Variants in NF1 observed in about 807,000 individuals in gnomAD.
The protein encoded by NF1 is neurofibromin 1, also known as neurofibromin.
Under a neutral mutation model 325.7 loss-of-function variants are expected in NF1, and 122 were observed. The ratio of observed to expected loss-of-function variants is 0.37; its 90% confidence interval spans 0.32 to 0.44. The LOEUF (loss-of-function observed/expected upper bound fraction) is 0.44. Ranked by LOEUF, NF1 falls within the 20% of genes least tolerant of loss-of-function variation. NF1 has a pLI of 1.00. For missense variants in NF1, 2,140 were observed against 3,415.4 expected (o/e 0.63, Z 9.31); for synonymous variants, 1,091 against 1,186.0 (o/e 0.92, Z 1.65).
intron 1 of NF1, among the ~76,000 whole-genome samples, chr17:31,128,850 C>T (rs983329336): frequency 3.3e-5 from 5 of 151,458 alleles, no homozygotes; most frequent in Admixed American, 6.6e-5. Flanking sequence ...TAAGTAAACC[C>T]GGGAGGCGGA....
intron 36 of NF1, among the ~76,000 whole-genome samples, chr17:31,270,117 G>T (rs904067911): frequency 6.6e-6 from 1 of 152,196 alleles, no homozygotes; most frequent in South Asian, 2.1e-4. Flanking sequence ...GTACACGACA[G>T]TGTGTGTGTG....
intron 5 of NF1, among the ~76,000 whole-genome samples, chr17:31,170,259 G>A (rs2065908786): frequency 6.6e-6 from 1 of 152,218 alleles, no homozygotes; most frequent in South Asian, 2.1e-4. Context: ...TACAGAGAAT[G>A]CAAGGGTGCT....
chr17:31,106,195 G>A (rs1452270876), intron 1 of NF1, among the ~76,000 whole-genome samples: 1 of 152,180 alleles, frequency 6.6e-6, no homozygotes, highest in Non-Finnish European at 1.5e-5. Flanking sequence ...TCTTGGGGAA[G>A]TCTCTTAACC....
chr17:31,285,976 T>A (rs1300641282), intron 36 of NF1, among the ~76,000 whole-genome samples: 1 of 152,224 alleles, frequency 6.6e-6, no homozygotes, highest in Non-Finnish European at 1.5e-5. Flanking sequence ...AGGTGTATCA[T>A]GTGTGACATT....
chr17:31,319,349 C>CT (rs1436933346), intron 36 of NF1, among the ~76,000 whole-genome samples: 1 of 151,032 alleles, frequency 6.6e-6, no homozygotes, highest in East Asian at 1.9e-4. Context: ...GTTAGTTCTG[C>CT]TTTTACTTTT....
chr17:31,363,217 C>G (rs1203053733), intron 57 of NF1, among the ~76,000 whole-genome samples: 1 of 152,092 alleles, frequency 6.6e-6, no homozygotes, highest in African/African-American at 2.4e-5. Flanking sequence ...AAGGGTTTAT[C>G]TTTTCAAAAG....
intron 36 of NF1, chr17:31,296,528 T>C (rs1460522431): frequency 3.2e-6 from 2 of 616,434 alleles, no homozygotes; most frequent in Non-Finnish European, 5.9e-6. Flanking sequence ...TCAATTGGGC[T>C]ATGTGGTAGA....
intron 36 of NF1, among the ~76,000 whole-genome samples, chr17:31,315,078 T>C (rs2068986784): frequency 6.6e-6 from 1 of 152,206 alleles, no homozygotes; most frequent in African/African-American, 2.4e-5. Flanking sequence ...TTCGTATGCC[T>C]GTTTGCCATT....
chr17:31,363,785 G>A (rs1305990355), intron 57 of NF1, among the ~76,000 whole-genome samples: 1 of 144,368 alleles, frequency 6.9e-6, no homozygotes, highest in Non-Finnish European at 1.5e-5. Context: ...CAGTAGCCCA[G>A]GCTGGAGTGC....
rs149003051 is a variant in NF1, at chr17:31,163,271, G to A, written c.374G>A (p.Arg125His). 3 of 1,614,012 alleles carry A rather than the reference G, an allele frequency of 1.9e-6. No individual in the cohort carries two copies. Among genetic ancestry groups the A allele is most frequent in the Non-Finnish European group, 2.5e-6 (3 of 1,180,024 alleles). Residue 125 changes from arginine (R) to histidine (H), a missense_variant, in exon 4 of 58, where the codon CGT (arginine) becomes CAT (histidine). Arg to His is a conservative substitution (Grantham distance 29). Around this residue, in one of 10 missense-constraint regions of NF1, gnomAD observed 246 missense variants for 347.8 expected, o/e 0.71. Coordinates refer to ENST00000358273, the MANE Select transcript of NF1 (RefSeq NM_001042492.3). The stretch of plus-strand genomic sequence containing the variant: ...ATCTGCCATTTTCTTCACACCTGTC[G>A]TGAAGGAAACCAGCATGCAGCTGAA... ...PEICHFLHTC[R>H]EGNQHAAELR...
intron 36 of NF1, among the ~76,000 whole-genome samples, chr17:31,270,066 A>T (rs1460892493): frequency 6.6e-6 from 1 of 152,218 alleles, no homozygotes; most frequent in Non-Finnish European, 1.5e-5. Context: ...ATCCAGCTTT[A>T]AAAAGGCCCA....
chr17:31,294,488 C>T (rs1202129969), intron 36 of NF1: 1 of 166,756 alleles, frequency 6.0e-6, no homozygotes, highest in Non-Finnish European at 1.3e-5. Flanking sequence ...CATAACCATT[C>T]ATGGGATGGC....
At chr17:31,332,971 A>G (rs1266533368) in intron 39 of NF1, among the ~76,000 whole-genome samples, 1 of 152,134 alleles carries the variant, frequency 6.6e-6, no homozygotes, top group Non-Finnish European at 1.5e-5. Context: ...GCCAGGCACC[A>G]TGGCACATGC....
rs568677792 is a variant in NF1, at chr17:31,117,654, C to G, written c.60+22285C>G. ...CGCCTCTGCACTCCAGCCTGGGTGA[C>G]AGAGCAAAACTCCATCTCAAAAAAA... is the stretch of plus-strand genomic sequence containing the variant. On this transcript the variant is annotated intron_variant, in intron 1 of 57. Coordinates refer to ENST00000358273, the MANE Select transcript of NF1 (RefSeq NM_001042492.3). 2.3e-4 allele frequency among the ~76,000 whole-genome samples: 13 copies of G among 57,630 alleles called. No individual in the cohort carries two copies. The South Asian group carries it at 8.4e-3, about 37-fold the overall frequency. The allele number at this position is 57,630 out of a possible 152,430, so 37.8% of individuals were successfully genotyped here. A position where few individuals can be genotyped will look rare whatever the true frequency, so the allele number is the denominator to read the frequency against.
chr17:31,357,443 C>A, intron 54 of NF1, 74 bp downstream of exon 54: 1 of 1,212,092 alleles, frequency 8.3e-7, no homozygotes, highest in Non-Finnish European at 1.2e-6. Flanking sequence ...GTAATGTGCA[C>A]TGGTTGCAAA....
At chr17:31,309,692 G>A (rs945215294) in intron 36 of NF1, among the ~76,000 whole-genome samples, 2 of 152,138 alleles carry the variant, frequency 1.3e-5, no homozygotes, top group African/African-American at 4.8e-5. Context: ...TCAGTTAGCT[G>A]AAAAAGGCAT....
chr17:31,340,320 A>T, intron 46 of NF1, 185 bp from the exon 47 acceptor site: 1 of 676,136 alleles, frequency 1.5e-6, no homozygotes. Flanking sequence ...TTCTCAGTCC[A>T]GCTAACAGTG....
chr17:31,361,579 G>GT (rs1406309002), intron 57 of NF1: 1 of 152,162 alleles, frequency 6.6e-6, no homozygotes, highest in Non-Finnish European at 1.5e-5. Context: ...AACTTTAGTT[G>GT]TTTAACGTTC....
chr17:31,219,274 G>A (rs1161474971), intron 14 of NF1, 156 bp downstream of exon 14: 3 of 689,566 alleles, frequency 4.4e-6, no homozygotes, highest in East Asian at 2.8e-5. Context: ...AAACTCCATG[G>A]AGAAAGAAGG....
Sources: gnomAD v4.1 joint callset for allele counts (sites outside exome capture counted in the v4.1 genomes callset) on GRCh38, gnomAD v4.1.1 for gene constraint, gnomAD v4.1.1 regional missense constraint, MANE v1.5 for transcripts, NCBI Gene and HGNC (gene_info 2026-07-23, HGNC 2026-07-21) for gene names.